Variants in COMMD7 observed in about 807,000 individuals in gnomAD.
COMMD7 encodes the protein COMM domain containing 7.
A neutral mutation model predicts 34.8 loss-of-function variants in COMMD7; 28 were observed. That is an observed-to-expected ratio of 0.80 (90% CI 0.60 to 1.10). The LOEUF is 1.10. Ranked by LOEUF, COMMD7 falls within the 50% of genes least tolerant of loss-of-function variation. The probability of loss-of-function intolerance (pLI) is 0.00; values close to 1 mark genes in which losing one functional copy is unlikely to be tolerated. For synonymous variants in COMMD7, 80 were observed against 86.4 expected (o/e 0.93, Z 0.41); for missense variants, 211 against 241.6 (o/e 0.87, Z 0.84).
chr20:32,721,497 C>T (rs1056412551), intron 3 of COMMD7, among the ~76,000 whole-genome samples: 5 of 152,046 alleles, frequency 3.3e-5, no homozygotes, highest in African/African-American at 1.2e-4. Flanking sequence ...GTAATCCCAG[C>T]ACTTTGGGAG....
intron 3 of COMMD7, among the ~76,000 whole-genome samples, chr20:32,708,885 T>G (rs1376375690): frequency 3.3e-5 from 5 of 151,928 alleles, no homozygotes; most frequent in Non-Finnish European, 7.4e-5. Flanking sequence ...TTGCCCAGGC[T>G]GGTCTCAAAC....
At position 32,704,508 on chromosome 20, in the gene COMMD7, AAAAGAG is replaced by A. The variant is rs775204335; in HGVS notation, c.428-25_428-20del. On this transcript the variant is annotated intron_variant, in intron 6 of 8. Coordinates refer to ENST00000278980, the MANE Select transcript of COMMD7 (RefSeq NM_053041.3). ...GATGTCACTGTGACAAAAAAAAAAA[AAAAGAG>A]AGAGAGAGAGAGAAATAACAAGTGA... The A allele has an allele frequency of 2.4e-5, 37 of 1,571,772 alleles. No individual in the cohort carries two copies. In the East Asian group the frequency reaches 6.3e-4, roughly 27 times the overall value.
intron 3 of COMMD7, among the ~76,000 whole-genome samples, chr20:32,720,711 C>G (rs912654632): frequency 8.5e-5 from 13 of 152,132 alleles, no homozygotes; most frequent in Admixed American, 5.2e-4. Context: ...GAGGCTGAAG[C>G]AGAAGAATCA....
intron 3 of COMMD7, among the ~76,000 whole-genome samples, chr20:32,707,741 A>C (rs964483636): frequency 2.0e-5 from 3 of 152,110 alleles, no homozygotes; most frequent in African/African-American, 7.2e-5. Flanking sequence ...CTGAGGAATG[A>C]GTAAGGATAC....
intron 3 of COMMD7, among the ~76,000 whole-genome samples, chr20:32,725,636 G>A (rs148956374): frequency 0.026 from 3,987 of 152,040 alleles, 160 homozygotes; most frequent in East Asian, 0.11. Context: ...CACCGTGTTA[G>A]CCAGGATGGT....
intron 5 of COMMD7, among the ~76,000 whole-genome samples, chr20:32,706,010 C>A (rs560163121): frequency 4.0e-5 from 6 of 151,748 alleles, no homozygotes; most frequent in African/African-American, 7.3e-5. Flanking sequence ...ACCAGCCTGA[C>A]CAACATGGTG....
At chr20:32,721,016 G>A (rs921269319) in intron 3 of COMMD7, among the ~76,000 whole-genome samples, 2 of 152,124 alleles carry the variant, frequency 1.3e-5, no homozygotes, top group African/African-American at 4.8e-5. Context: ...AAATCAGCAG[G>A]AACAATAGAA....
At position 32,743,303 on chromosome 20, in the gene COMMD7, C is replaced by G; in HGVS notation, c.84+5G>C. On this transcript the variant is annotated splice_donor_5th_base_variant and intron_variant, in intron 1 of 8. Coordinates refer to ENST00000278980, the MANE Select transcript of COMMD7 (RefSeq NM_053041.3). The stretch of plus-strand genomic sequence containing the variant: ...CCGCGCCCCACGCCCCGCCGCCGGG[C>G]CCACCTGCGCGCCCAGCTGGTTCAG... The G allele has an allele frequency of 1.3e-6, 2 of 1,503,522 alleles. No homozygotes were observed. Among genetic ancestry groups the G allele is most frequent in the Non-Finnish European group, 1.8e-6 (2 of 1,131,138 alleles). The allele number at this position is 1,503,522 out of a possible 1,614,324, so 93.1% of individuals were successfully genotyped here.
chr20:32,733,666 G>A (rs1371079639), intron 1 of COMMD7, among the ~76,000 whole-genome samples: 4 of 149,440 alleles, frequency 2.7e-5, no homozygotes, highest in African/African-American at 7.4e-5. Flanking sequence ...GCAGTGAGCC[G>A]AGATTGCACC....
In COMMD7 at chr20:32,703,314, C is replaced by T; in HGVS notation, c.*68G>A. 6.9e-7 allele frequency: 1 copy of T among 1,453,496 alleles called. No individual in the cohort carries two copies. The highest frequency in any genetic ancestry group is 9.6e-7 in the Non-Finnish European group (1 of 1,045,348). The allele number at this position is 1,453,496 out of a possible 1,614,324, so 90.0% of individuals were successfully genotyped here. A position where few individuals can be genotyped will look rare whatever the true frequency, so the allele number is the denominator to read the frequency against. ...CCACAGGCCTGTGAGTGAAGTGCCT[C>T]TCAGAGCAGTCACCCAGGGAAGGGA... is the stretch of plus-strand genomic sequence containing the variant. On this transcript the variant is annotated 3_prime_UTR_variant, in exon 9 of 9. Transcript: ENST00000278980.
intron 3 of COMMD7, among the ~76,000 whole-genome samples, chr20:32,707,024 AG>A (rs1306744901): frequency 4.0e-5 from 6 of 151,394 alleles, no homozygotes; most frequent in Admixed American, 6.6e-5. Flanking sequence ...CTGTAATCCC[AG>A]CACTTTGGGA....
At chr20:32,736,472 C>G (rs1986132868) in intron 1 of COMMD7, among the ~76,000 whole-genome samples, 1 of 151,548 alleles carries the variant, frequency 6.6e-6, no homozygotes, top group Non-Finnish European at 1.5e-5. Flanking sequence ...CGATTGAGAC[C>G]ATCCTGGCTA....
At chr20:32,717,234 C>T (rs991213703) in intron 3 of COMMD7, among the ~76,000 whole-genome samples, 3 of 151,994 alleles carry the variant, frequency 2.0e-5, no homozygotes, top group Non-Finnish European at 4.4e-5. Context: ...TGGCTCACTG[C>T]AGCCTGGACT....
Position 32,730,281 on chromosome 20 carries a change from G to A in COMMD7, c.85-2139C>T, listed in dbSNP as rs1001551608. Among the ~76,000 whole-genome samples the A allele has an allele frequency of 3.3e-5, 5 of 152,020 alleles. No homozygotes were observed. The East Asian group carries it at 5.8e-4, about 18-fold the overall frequency. On this transcript the variant is annotated intron_variant, in intron 1 of 8. Coordinates refer to ENST00000278980, the MANE Select transcript of COMMD7 (RefSeq NM_053041.3). The stretch of plus-strand genomic sequence containing the variant: ...TGTGAACAGTGTGTATGGGCTGGAC[G>A]CGGTGGCTCACGCATGTAATCCCAG...
At chr20:32,737,394 G>A (rs368841893) in intron 1 of COMMD7, among the ~76,000 whole-genome samples, 111 of 97,696 alleles carry the variant, frequency 1.1e-3, no homozygotes, top group African/African-American at 3.6e-3. Flanking sequence ...AGCCAGGCAC[G>A]GTGGTACATG....
rs1175774267 is a variant in COMMD7, at chr20:32,724,951, TAA to T, written c.241+2940_241+2941del. Among the ~76,000 whole-genome samples the T allele has an allele frequency of 6.5e-4, 9 of 13,884 alleles. 1 individual carries two copies. Among genetic ancestry groups the T allele is most frequent in the African/African-American group, 1.4e-3 (6 of 4,316 alleles). The allele number at this position is 13,884 out of a possible 152,430, so 9.1% of individuals were successfully genotyped here. A position where few individuals can be genotyped will look rare whatever the true frequency, so the allele number is the denominator to read the frequency against. Reference sequence around the variant, plus strand: ...AGAATTATCAATAAAAAAATAAATTTAAAAAAAAAAAAAAAAAAAAAAAGACT... The same window carrying T: ...AGAATTATCAATAAAAAAATAAATTTAAAAAAAAAAAAAAAAAAAAAGACT... On this transcript the variant is annotated intron_variant, in intron 3 of 8. Transcript: ENST00000278980.
At chr20:32,715,653 A>C (rs1237305337) in intron 3 of COMMD7, among the ~76,000 whole-genome samples, 1 of 150,948 alleles carries the variant, frequency 6.6e-6, no homozygotes, top group African/African-American at 2.4e-5. Context: ...CCAAAAATAC[A>C]AAAATCAGCC....
At chr20:32,722,983 C>T (rs1380255522) in intron 3 of COMMD7, among the ~76,000 whole-genome samples, 5 of 150,854 alleles carry the variant, frequency 3.3e-5, no homozygotes, top group Non-Finnish European at 5.9e-5. Context: ...CACGCCACTG[C>T]ACTCCAGCCT....
chr20:32,727,722 T>C (rs1294312734), intron 3 of COMMD7, among the ~76,000 whole-genome samples, 171 bp downstream of exon 3: 5 of 152,018 alleles, frequency 3.3e-5, no homozygotes, highest in Admixed American at 1.3e-4. Context: ...TATTCAACTA[T>C]ACTATGTTCA....
Sources: gnomAD v4.1 joint callset for allele counts (sites outside exome capture counted in the v4.1 genomes callset) on GRCh38, gnomAD v4.1.1 for gene constraint, MANE v1.5 for transcripts, NCBI Gene and HGNC (gene_info 2026-07-23, HGNC 2026-07-21) for gene names.